The following NSUN6 variants were observed in gnomAD, a reference collection of about 807,000 sequenced individuals.
NSUN6 encodes the protein NOP2/Sun RNA methyltransferase 6.
A neutral mutation model predicts 58.0 loss-of-function variants in NSUN6; 64 were observed. The ratio of observed to expected loss-of-function variants is 1.10; its 90% CI spans 0.90 to 1.36. NSUN6 has a LOEUF of 1.36. Ranked by LOEUF, NSUN6 falls within the 40% of genes most tolerant of loss-of-function variation. The pLI is 0.00. For synonymous variants in NSUN6, 231 were observed against 193.9 expected, an observed-to-expected ratio of 1.19 and a Z score of -1.59; for missense variants, 701 against 550.1, an observed-to-expected ratio of 1.27 and a Z score of -2.74.
chr10:18,651,830 G>A, upstream of NSUN6: 1 of 985,412 alleles, frequency 1.0e-6, no homozygotes, highest in Non-Finnish European at 1.2e-6. Context: ...TTTAGTTCCC[G>A]GTACCGGAGG....
intron 3 of NSUN6, among the ~76,000 whole-genome samples, chr10:18,638,012 G>C (rs75069035): frequency 6.6e-6 from 1 of 152,144 alleles, no homozygotes; most frequent in East Asian, 1.9e-4. Context: ...GACAGGAGAC[G>C]TAACAGATGA....
intron 7 of NSUN6, among the ~76,000 whole-genome samples, chr10:18,591,525 A>C (rs545098263): frequency 5.3e-5 from 8 of 152,218 alleles, no homozygotes; most frequent in African/African-American, 1.9e-4. Context: ...TATCCACCAC[A>C]ATCAAGTCAG....
In NSUN6 at chr10:18,571,585, T is replaced by C. The variant is rs560856677; in HGVS notation, c.922+14364A>G. 7.7e-4 allele frequency among the ~76,000 whole-genome samples: 117 copies of C among 151,608 alleles called. 1 individual carries two copies. Among genetic ancestry groups the C allele is most frequent in the African/African-American group, 2.8e-3 (116 of 41,384 alleles). On this transcript the variant is annotated intron_variant, in intron 8 of 10. Coordinates refer to ENST00000377304, the MANE Select transcript of NSUN6 (RefSeq NM_182543.5). Reference sequence around the variant, plus strand: ...CATTCCATGTCTATTCCAATGTCCATTCCATTCCATTCTCTATTCCATTCC... The same window carrying C: ...CATTCCATGTCTATTCCAATGTCCACTCCATTCCATTCTCTATTCCATTCC...
chr10:18,633,408 T>TATA (rs1201559058), intron 3 of NSUN6, among the ~76,000 whole-genome samples: 1 of 151,460 alleles, frequency 6.6e-6, no homozygotes, highest in Admixed American at 6.6e-5. Flanking sequence ...AAACTTAAAG[T>TATA]ATAATAATAA....
intron 3 of NSUN6, among the ~76,000 whole-genome samples, chr10:18,626,697 G>A (rs1421934056): frequency 6.6e-6 from 1 of 152,166 alleles, no homozygotes; most frequent in Non-Finnish European, 1.5e-5. Context: ...GAACACGGAG[G>A]TGGAGGTTGC....
chr10:18,570,859 CCATTCTCCACTGCATTCCATAG>C (rs1279217609), intron 8 of NSUN6, among the ~76,000 whole-genome samples: 4 of 151,540 alleles, frequency 2.6e-5, no homozygotes, highest in African/African-American at 9.7e-5. Context: ...CCATTCTCTT[CCATTCTCCACTGCATTCCATAG>C]CATTCTCCAT....
chr10:18,591,146 A>T (rs2057363070), intron 7 of NSUN6, among the ~76,000 whole-genome samples: 1 of 152,214 alleles, frequency 6.6e-6, no homozygotes, highest in African/African-American at 2.4e-5. Context: ...GAAGAAATGG[A>T]TAAATTCCTG....
intron 7 of NSUN6, among the ~76,000 whole-genome samples, chr10:18,595,868 G>T (rs1337907518): frequency 6.6e-6 from 1 of 152,076 alleles, no homozygotes; most frequent in Non-Finnish European, 1.5e-5. Flanking sequence ...ATAATATACT[G>T]TGAAATTAGT....
upstream of NSUN6, among the ~76,000 whole-genome samples, chr10:18,656,331 G>A (rs142053619): frequency 0.018 from 2,723 of 152,288 alleles, 31 homozygotes; most frequent in Non-Finnish European, 0.03. Flanking sequence ...GAGGTCAGGA[G>A]TTCAAGACCA....
chr10:18,563,677 T>C (rs898735915), intron 8 of NSUN6, among the ~76,000 whole-genome samples: 1 of 150,396 alleles, frequency 6.6e-6, no homozygotes, highest in African/African-American at 2.4e-5. Context: ...TTCCATTCTC[T>C]ATACCATTCC....
intron 8 of NSUN6, among the ~76,000 whole-genome samples, chr10:18,567,429 C>T (rs1044510610): frequency 6.6e-6 from 1 of 150,526 alleles, no homozygotes; most frequent in Non-Finnish European, 1.5e-5. Context: ...CCATTTCATT[C>T]CATGCTCCAT....
At chr10:18,631,665 G>A (rs1428733107) in intron 3 of NSUN6, among the ~76,000 whole-genome samples, 1 of 146,832 alleles carries the variant, frequency 6.8e-6, no homozygotes, top group African/African-American at 2.5e-5. Flanking sequence ...TTGCTTCAAA[G>A]AGAATAAAAT....
chr10:18,591,144 G>T (rs769205562), intron 7 of NSUN6, among the ~76,000 whole-genome samples: 3 of 152,042 alleles, frequency 2.0e-5, no homozygotes, highest in Non-Finnish European at 4.4e-5. Context: ...TAGAAGAAAT[G>T]GATAAATTCC....
chr10:18,642,466 T>G lies in NSUN6; in HGVS notation c.311+10A>C, dbSNP rs1400091086. ...GAATAATATAATTTGGAAATGAAGT[T>G]CTTACAAACCTGGGTCCAATAACAG... On this transcript the variant is annotated intron_variant, in intron 3 of 10. Transcript: ENST00000377304. 7.3e-7 allele frequency: 1 copy of G among 1,369,080 alleles called. No homozygotes were observed. The highest frequency in any genetic ancestry group is 1.2e-5 in the South Asian group (1 of 84,166). The allele number at this position is 1,369,080 out of a possible 1,614,324, so 84.8% of individuals were successfully genotyped here. A position where few individuals can be genotyped will look rare whatever the true frequency, so the allele number is the denominator to read the frequency against.
intron 8 of NSUN6, among the ~76,000 whole-genome samples, chr10:18,579,671 C>T (rs974952757): frequency 6.6e-6 from 1 of 152,102 alleles, no homozygotes; most frequent in African/African-American, 2.4e-5. Context: ...TTTAGGGAGA[C>T]ATGAGACATC....
chr10:18,585,876 T>C (rs1044376887), intron 8 of NSUN6, 73 bp downstream of exon 8: 3 of 1,115,144 alleles, frequency 2.7e-6, no homozygotes, highest in Non-Finnish European at 3.9e-6. Flanking sequence ...ATTATATACA[T>C]GTCAAAACAT....
At chr10:18,587,684 C>A (rs1399437033) in intron 7 of NSUN6, among the ~76,000 whole-genome samples, 1 of 152,138 alleles carries the variant, frequency 6.6e-6, no homozygotes, top group Non-Finnish European at 1.5e-5. Context: ...GAAGTGCAAG[C>A]AGCTGGGGGG....
At chr10:18,645,751 G>C (rs1271715355) in intron 2 of NSUN6, among the ~76,000 whole-genome samples, 2 of 152,292 alleles carry the variant, frequency 1.3e-5, no homozygotes, top group South Asian at 4.1e-4. Context: ...CCTAGGAGTG[G>C]AATTGCTGGG....
intron 6 of NSUN6, among the ~76,000 whole-genome samples, chr10:18,606,762 C>T (rs936665891): frequency 5.9e-5 from 9 of 152,058 alleles, no homozygotes; most frequent in Non-Finnish European, 1.0e-4. Flanking sequence ...GAAAAAAAAT[C>T]TTTATTAAAA....
Sources: allele counts gnomAD v4.1 joint callset (sites outside exome capture counted in the v4.1 genomes callset), GRCh38; gene constraint gnomAD v4.1.1; transcripts MANE v1.5; gene names NCBI Gene and HGNC (gene_info 2026-07-23, HGNC 2026-07-21).